Variants in SGCZ observed in about 807,000 individuals in gnomAD.
SGCZ encodes sarcoglycan zeta, also known as zeta-sarcoglycan.
A neutral mutation model predicts 41.3 loss-of-function variants in SGCZ; 40 were observed. That is an observed-to-expected ratio of 0.97 (90% CI 0.75 to 1.26). SGCZ has a LOEUF of 1.26. Ranked by LOEUF, SGCZ falls within the 50% of genes most tolerant of loss-of-function variation. The pLI, the probability that SGCZ is intolerant of heterozygous loss-of-function variation, is 0.00. For missense variants in SGCZ, 552 were observed against 369.8 expected (o/e 1.49, Z -4.04); for synonymous variants, 206 against 137.5 (o/e 1.50, Z -3.49).
chr8:14,166,436 G>A (rs1804212882), intron 4 of SGCZ, among the ~76,000 whole-genome samples: 1 of 152,050 alleles, frequency 6.6e-6, no homozygotes. Flanking sequence ...ATTGGGTGAT[G>A]TTCAAAAAAC....
At position 14,808,701 on chromosome 8, in the gene SGCZ, A is replaced by G. The variant is rs573078111; in HGVS notation, c.40-253775T>C. ...TCCTCAGGGATCTAGAACTAGAAATACCATTTGACCCAGCCATCCCATTAC... is the reference window on the plus strand; with the variant it reads ...TCCTCAGGGATCTAGAACTAGAAATGCCATTTGACCCAGCCATCCCATTAC... On this transcript the variant is annotated intron_variant, in intron 1 of 7. Transcript: ENST00000382080. Among the ~76,000 whole-genome samples the G allele has an allele frequency of 3.2e-3, 486 of 151,880 alleles. 2 individuals carry two copies. The highest frequency in any genetic ancestry group is 0.01 in the African/African-American group (424 of 41,368).
intron 1 of SGCZ, among the ~76,000 whole-genome samples, chr8:14,832,536 T>C (rs1802567708): frequency 6.6e-6 from 1 of 152,166 alleles, no homozygotes; most frequent in Admixed American, 6.5e-5. Context: ...TCTGTGTAAA[T>C]TTGTAATTGA....
intron 4 of SGCZ, among the ~76,000 whole-genome samples, chr8:14,222,883 T>C (rs1223504446): frequency 1.5e-5 from 2 of 131,244 alleles, no homozygotes; most frequent in Non-Finnish European, 3.1e-5. Flanking sequence ...GTGATCTCCA[T>C]TCACTGTAAC....
intron 7 of SGCZ, among the ~76,000 whole-genome samples, chr8:14,097,368 G>C (rs1186195357): frequency 1.3e-5 from 2 of 152,162 alleles, no homozygotes; most frequent in Admixed American, 1.3e-4. Flanking sequence ...TAGTCATTCA[G>C]GAGCAGGTTG....
intron 1 of SGCZ, among the ~76,000 whole-genome samples, chr8:15,194,931 C>T (rs534233900): frequency 2.6e-5 from 4 of 152,144 alleles, no homozygotes; most frequent in South Asian, 4.1e-4. Flanking sequence ...TAACACATTG[C>T]GAAAGTATCT....
rs186248304 is a variant in SGCZ at position 14,779,702 on chromosome 8, A to T, written c.40-224776T>A. On this transcript the variant is annotated intron_variant, in intron 1 of 7. Coordinates refer to ENST00000382080, the MANE Select transcript of SGCZ (RefSeq NM_139167.4). Reference sequence around the variant, plus strand: ...TAGAACTTTAGAAAGCAATGGGCTGAGCCATACAAAACTAAAGATAGGGTT... The same window carrying T: ...TAGAACTTTAGAAAGCAATGGGCTGTGCCATACAAAACTAAAGATAGGGTT... Among the ~76,000 whole-genome samples, 40 of 152,346 alleles carry T rather than the reference A, an allele frequency of 2.6e-4. 1 individual carries two copies. The East Asian group carries it at 4.1e-3, about 15-fold the overall frequency.
chr8:14,099,914 A>G (rs954684424), intron 7 of SGCZ, among the ~76,000 whole-genome samples: 6 of 152,252 alleles, frequency 3.9e-5, no homozygotes, highest in Non-Finnish European at 8.8e-5. Context: ...GCAGTGCAGA[A>G]TTTCACATAC....
intron 1 of SGCZ, among the ~76,000 whole-genome samples, chr8:14,784,007 TTAAA>T (rs948304087): frequency 1.1e-4 from 16 of 152,060 alleles, no homozygotes; most frequent in Admixed American, 2.0e-4. Context: ...ATTGTACCCT[TTAAA>T]TAATTCTAAC....
At chr8:14,889,728 CAAAATAT>C (rs1804940880) in intron 1 of SGCZ, among the ~76,000 whole-genome samples, 1 of 151,644 alleles carries the variant, frequency 6.6e-6, no homozygotes, top group Non-Finnish European at 1.5e-5. Flanking sequence ...TTTAAATACA[CAAAATAT>C]AGATATTTTG....
chr8:14,262,369 A>T (rs927027204), intron 3 of SGCZ, among the ~76,000 whole-genome samples: 4 of 152,132 alleles, frequency 2.6e-5, no homozygotes, highest in African/African-American at 9.7e-5. Flanking sequence ...TGACAATGTG[A>T]AGGCTTATAT....
At chr8:14,950,995 C>T (rs1485477878) in intron 1 of SGCZ, among the ~76,000 whole-genome samples, 1 of 151,942 alleles carries the variant, frequency 6.6e-6, no homozygotes, top group South Asian at 2.1e-4. Context: ...CAAAGGGATA[C>T]AGTAAATAGA....
intron 2 of SGCZ, among the ~76,000 whole-genome samples, chr8:14,454,354 T>C (rs1305638285): frequency 6.6e-6 from 1 of 152,148 alleles, no homozygotes; most frequent in African/African-American, 2.4e-5. Context: ...ACCTTAATCC[T>C]GCTGAGGTTA....
chr8:14,274,977 C>A (rs572662846), intron 3 of SGCZ, among the ~76,000 whole-genome samples: 1 of 152,052 alleles, frequency 6.6e-6, no homozygotes, highest in Non-Finnish European at 1.5e-5. Flanking sequence ...ATCTTTTAAA[C>A]AAGTGAAATA....
At position 14,541,845 on chromosome 8, in the gene SGCZ, C is replaced by A. The variant is rs147832100; in HGVS notation, c.234+12887G>T. 3.6e-3 allele frequency among the ~76,000 whole-genome samples: 551 copies of A among 152,220 alleles called. 3 individuals are homozygous for A. Among genetic ancestry groups the A allele is most frequent in the African/African-American group, 0.012 (505 of 41,552 alleles). On this transcript the variant is annotated intron_variant, in intron 2 of 7. Coordinates refer to ENST00000382080, the MANE Select transcript of SGCZ (RefSeq NM_139167.4). ...CATTCTAAATGGCATGAGATGGTATCTCATTGTGGTTTTGATTTCCATTTT... is the reference window on the plus strand; with the variant it reads ...CATTCTAAATGGCATGAGATGGTATATCATTGTGGTTTTGATTTCCATTTT...
intron 1 of SGCZ, among the ~76,000 whole-genome samples, chr8:14,687,400 T>C (rs1808648599): frequency 6.8e-6 from 1 of 147,624 alleles, no homozygotes; most frequent in Non-Finnish European, 1.5e-5. Flanking sequence ...TGTGTCCATG[T>C]GTTCTCATTG....
chr8:14,399,195 C>T (rs1257122117), intron 2 of SGCZ, among the ~76,000 whole-genome samples: 1 of 152,036 alleles, frequency 6.6e-6, no homozygotes, highest in Non-Finnish European at 1.5e-5. Context: ...AGATTATTTT[C>T]CTGTTAAGTG....
intron 2 of SGCZ, among the ~76,000 whole-genome samples, chr8:14,441,223 A>G (rs1016291634): frequency 6.6e-6 from 1 of 152,072 alleles, no homozygotes; most frequent in African/African-American, 2.4e-5. Flanking sequence ...CAAATTACAG[A>G]TTTTCCTCTT....
intron 1 of SGCZ, among the ~76,000 whole-genome samples, chr8:14,868,362 C>G (rs1454231663): frequency 6.6e-6 from 1 of 152,122 alleles, no homozygotes; most frequent in Non-Finnish European, 1.5e-5. Flanking sequence ...TTTCTTTAAG[C>G]CACCAGTACA....
chr8:14,364,351 C>G (rs1803626549), intron 2 of SGCZ, among the ~76,000 whole-genome samples: 1 of 152,062 alleles, frequency 6.6e-6, no homozygotes, highest in African/African-American at 2.4e-5. Context: ...TCCCCTTCTG[C>G]TATTTTTTTC....
Sources: allele counts gnomAD v4.1 joint callset (sites outside exome capture counted in the v4.1 genomes callset), GRCh38; gene constraint gnomAD v4.1.1; transcripts MANE v1.5; gene names NCBI Gene and HGNC (gene_info 2026-07-23, HGNC 2026-07-21).